Variants in GRM8 observed in about 807,000 individuals in gnomAD.
GRM8 encodes metabotropic glutamate receptor 8.
A neutral mutation model predicts 87.2 loss-of-function variants in GRM8; 47 were observed. That is an observed-to-expected ratio of 0.54 (90% CI 0.43 to 0.69). GRM8 has a LOEUF of 0.69. Among genes scored for constraint, GRM8 ranks in the 30% least tolerant of loss-of-function variants. The pLI, the probability that GRM8 is intolerant of heterozygous loss-of-function variation, is 0.00. For missense variants in GRM8, 1,019 were observed against 1,139.2 expected (o/e 0.89, Z 1.52); for synonymous variants, 396 against 404.5 (o/e 0.98, Z 0.25).
chr7:126,830,871 A>T (rs1284720874), intron 6 of GRM8, among the ~76,000 whole-genome samples: 2 of 152,152 alleles, frequency 1.3e-5, no homozygotes, highest in Non-Finnish European at 2.9e-5. Context: ...TGATGTACAG[A>T]TGGGTTTTTG....
chr7:126,483,448 TCTCC>T (rs533636162), intron 9 of GRM8, among the ~76,000 whole-genome samples: 145 of 139,602 alleles, frequency 1.0e-3, no homozygotes, highest in African/African-American at 2.9e-3. Context: ...TTCACTATTC[TCTCC>T]CTCCCTCCCT....
intron 2 of GRM8, among the ~76,000 whole-genome samples, chr7:127,231,249 A>G (rs989321026): frequency 1.4e-5 from 2 of 141,996 alleles, no homozygotes; most frequent in African/African-American, 2.5e-5. Context: ...TTGATGGGGG[A>G]AAAAAAAAAG....
At chr7:126,983,898 A>G (rs1811786457) in intron 3 of GRM8, among the ~76,000 whole-genome samples, 1 of 152,206 alleles carries the variant, frequency 6.6e-6, no homozygotes, top group African/African-American at 2.4e-5. Context: ...TGTAGTCATC[A>G]ATACCAGCTA....
chr7:127,102,916 G>T (rs1825438439), intron 3 of GRM8, among the ~76,000 whole-genome samples: 1 of 152,216 alleles, frequency 6.6e-6, no homozygotes, highest in Admixed American at 6.5e-5. Context: ...AGGTTGAAGT[G>T]CATTGGTGGA....
At chr7:126,537,502 C>T (rs531770700) in intron 8 of GRM8, among the ~76,000 whole-genome samples, 3 of 152,260 alleles carry the variant, frequency 2.0e-5, no homozygotes, top group South Asian at 2.1e-4. Context: ...TTGGACCGGA[C>T]GTGGTGGCTC....
At chr7:126,796,114 T>C (rs954201653) in intron 6 of GRM8, among the ~76,000 whole-genome samples, 4 of 152,210 alleles carry the variant, frequency 2.6e-5, no homozygotes, top group African/African-American at 9.6e-5. Flanking sequence ...ACTAAATAAA[T>C]TTTAACAAGA....
chr7:126,792,809 T>G (rs985442274), intron 6 of GRM8, among the ~76,000 whole-genome samples: 8 of 152,198 alleles, frequency 5.3e-5, no homozygotes, highest in Non-Finnish European at 1.0e-4. Flanking sequence ...TTTCTAACAG[T>G]TTTGAACACT....
intron 6 of GRM8, among the ~76,000 whole-genome samples, chr7:126,844,354 A>G (rs1378621646): frequency 6.6e-6 from 1 of 152,150 alleles, no homozygotes; most frequent in Admixed American, 6.6e-5. Flanking sequence ...AAGCATTCTG[A>G]AAGTGTCTGA....
At chr7:127,173,313 G>C (rs1257268902) in intron 2 of GRM8, among the ~76,000 whole-genome samples, 1 of 152,176 alleles carries the variant, frequency 6.6e-6, no homozygotes, top group African/African-American at 2.4e-5. Flanking sequence ...TTTGATCAAA[G>C]ACTTGAATAA....
Position 126,904,537 on chromosome 7 carries a change from G to C in GRM8, c.863+11C>G. Reference sequence around the variant, plus strand: ...ATCTGACCCTACATACAGAAGAAAAGTAATCAGCACCTGATGTCATCCTCA... The same window carrying C: ...ATCTGACCCTACATACAGAAGAAAACTAATCAGCACCTGATGTCATCCTCA... On this transcript the variant is annotated intron_variant, in intron 4 of 10. Transcript: ENST00000339582. 1 of 1,611,806 alleles carries C rather than the reference G, an allele frequency of 6.2e-7. No individual in the cohort carries two copies. The highest frequency in any genetic ancestry group is 1.7e-4 in the Middle Eastern group (1 of 6,050).
At chr7:127,084,586 A>G (rs933073747) in intron 3 of GRM8, 2 of 152,194 alleles carry the variant, frequency 1.3e-5, no homozygotes, top group Non-Finnish European at 2.9e-5. Context: ...TAAGCCTTAG[A>G]TTCTATAAGT....
At chr7:127,241,456 C>T (rs1326110295) in intron 2 of GRM8, among the ~76,000 whole-genome samples, 1 of 137,086 alleles carries the variant, frequency 7.3e-6, no homozygotes, top group African/African-American at 2.8e-5. Flanking sequence ...TTTTTTGAGA[C>T]AGAGTCTTGC....
intron 5 of GRM8, among the ~76,000 whole-genome samples, 187 bp downstream of exon 5, chr7:126,903,785 A>G (rs1472737678): frequency 1.4e-5 from 2 of 146,998 alleles, no homozygotes; most frequent in Non-Finnish European, 3.0e-5. Context: ...GTATATATAT[A>G]TATATATATA....
rs559457915 is a variant in GRM8 at position 126,851,945 on chromosome 7, C to T, written c.1156+50597G>A. On this transcript the variant is annotated intron_variant, in intron 6 of 10. Coordinates refer to ENST00000339582, the MANE Select transcript of GRM8 (RefSeq NM_000845.3). ...TTTTTTCACAGCTGTATAAAGAGTA[C>T]TCAGTACGTATTTGTTGCTCGAGTG... Among the ~76,000 whole-genome samples the T allele has an allele frequency of 7.2e-5, 11 of 152,254 alleles. No individual in the cohort carries two copies. In the South Asian group the frequency reaches 2.1e-3, roughly 29 times the overall value.
At chr7:127,087,062 C>T (rs1026177631) in intron 3 of GRM8, among the ~76,000 whole-genome samples, 18 of 152,204 alleles carry the variant, frequency 1.2e-4, no homozygotes, top group African/African-American at 4.3e-4. Flanking sequence ...ACTATGACAC[C>T]TGACACCAGG....
rs183674846 is a variant in GRM8 at position 126,655,896 on chromosome 7, C to T, written c.1358-46398G>A. Among the ~76,000 whole-genome samples the T allele has an allele frequency of 7.2e-5, 11 of 152,246 alleles. 1 individual carries two copies. The East Asian group carries it at 1.5e-3, about 21-fold the overall frequency. ...GCATTAAAATCACATTCCAGGGTAC[C>T]TATATTTATAGAAACACACAGAAAA... On this transcript the variant is annotated intron_variant, in intron 7 of 10. Transcript: ENST00000339582.
intron 9 of GRM8, chr7:126,512,314 A>G (rs1189874211): frequency 7.9e-5 from 12 of 152,152 alleles, no homozygotes; most frequent in Admixed American, 5.2e-4. Context: ...CAGATTCCCT[A>G]TAGGCTCAGA....
chr7:127,093,032 C>A (rs142594641), intron 3 of GRM8, among the ~76,000 whole-genome samples: 309 of 152,336 alleles, frequency 2.0e-3, no homozygotes, highest in African/African-American at 6.9e-3. Context: ...GACCCCTACC[C>A]TCAGCATGCC....
At chr7:126,461,302 C>G (rs1803873361) in intron 9 of GRM8, among the ~76,000 whole-genome samples, 1 of 151,554 alleles carries the variant, frequency 6.6e-6, no homozygotes, top group African/African-American at 2.4e-5. Context: ...GAAAATCACT[C>G]AATTCTTTAT....
Sources: gnomAD v4.1 joint callset for allele counts (sites outside exome capture counted in the v4.1 genomes callset) on GRCh38, gnomAD v4.1.1 for gene constraint, MANE v1.5 for transcripts, NCBI Gene and HGNC (gene_info 2026-07-23, HGNC 2026-07-21) for gene names.